The following ADGRE3 variants were observed in gnomAD, a reference collection of about 807,000 sequenced individuals.
The protein encoded by ADGRE3 is EGF-like module receptor 3.
In ADGRE3, 88 loss-of-function variants were observed where a neutral mutation model predicts 80.1. That is an observed-to-expected ratio of 1.10 (90% confidence interval 0.93 to 1.31). ADGRE3 has a LOEUF of 1.31. Among genes scored for constraint, ADGRE3 ranks in the 40% most tolerant of loss-of-function variants. ADGRE3 has a pLI of 0.00. For missense variants in ADGRE3, 715 were observed against 776.5 expected (o/e 0.92, Z 0.94); for synonymous variants, 281 against 294.8 (o/e 0.95, Z 0.48).
At chr19:14,616,327 A>G (rs1311989566), downstream of ADGRE3, among the ~76,000 whole-genome samples, 1 of 151,924 alleles carries the variant, frequency 6.6e-6, no homozygotes, top group Non-Finnish European at 1.5e-5. Context: ...AAAATAATCT[A>G]CCTGCATGCA....
In ADGRE3 at chr19:14,630,065, A is replaced by T. The variant is rs909209132; in HGVS notation, c.1786T>A (p.Leu596Met). ...TGCTGGCTGAGGAGGCAGTAGACCA[A>T]GAAGATGAAGAAGCCTTGGAGGCTG... ...INSLQGFFIF[L>M]VYCLLSQQVQ... Residue 596 changes from leucine (L) to methionine (M), a missense_variant, in exon 14 of 16, where the codon TTG becomes ATG. Coordinates refer to ENST00000253673, the MANE Select transcript of ADGRE3 (RefSeq NM_032571.5). 2 of 1,610,426 alleles carry T rather than the reference A, an allele frequency of 1.2e-6. No homozygotes were observed. Among genetic ancestry groups the T allele is most frequent in the Non-Finnish European group, 1.7e-6 (2 of 1,177,880 alleles).
At chr19:14,611,614 A>T in the ADGRE3 span, among the ~76,000 whole-genome samples, 4 of 152,098 alleles carry the variant, frequency 2.6e-5, no homozygotes, top group African/African-American at 9.7e-5. Context: ...CAGGCAGGCC[A>T]TAACCTGGTC....
downstream of ADGRE3, among the ~76,000 whole-genome samples, chr19:14,615,075 C>G (rs772655005): frequency 2.6e-5 from 4 of 151,962 alleles, no homozygotes; most frequent in Non-Finnish European, 5.9e-5. Context: ...TATACCTGGG[C>G]AAACTGAGGC....
At chr19:14,637,690 T>A (rs1220043530) in intron 11 of ADGRE3, among the ~76,000 whole-genome samples, 1 of 151,958 alleles carries the variant, frequency 6.6e-6, no homozygotes, top group Non-Finnish European at 1.5e-5. Context: ...TGTGAGCCAC[T>A]GTGCTCAGCT....
chr19:14,610,057 C>T, the ADGRE3 span: 8 of 1,611,286 alleles, frequency 5.0e-6, no homozygotes, highest in Non-Finnish European at 6.8e-6. Flanking sequence ...CTTTTTCCTC[C>T]ATCCAGCTTC....
chr19:14,670,995 A>T (rs991815852), intron 1 of ADGRE3, among the ~76,000 whole-genome samples: 1 of 152,172 alleles, frequency 6.6e-6, no homozygotes, highest in Non-Finnish European at 1.5e-5. Flanking sequence ...CACTCACCAG[A>T]TCTGACTGGA....
intron 2 of ADGRE3, among the ~76,000 whole-genome samples, chr19:14,666,633 T>C (rs1408700882): frequency 6.6e-6 from 1 of 152,178 alleles, no homozygotes; most frequent in Non-Finnish European, 1.5e-5. Flanking sequence ...TGCCTCGGCC[T>C]CCCCGAGTGC....
chr19:14,668,763 T>G, intron 2 of ADGRE3, 39 bp downstream of exon 2: 1 of 1,595,896 alleles, frequency 6.3e-7, no homozygotes, highest in Non-Finnish European at 8.6e-7. Flanking sequence ...GGTCCAGCCC[T>G]TGGTCCACAA....
At chr19:14,663,121 G>C (rs1312209827) in intron 3 of ADGRE3, among the ~76,000 whole-genome samples, 1 of 151,992 alleles carries the variant, frequency 6.6e-6, no homozygotes, top group Non-Finnish European at 1.5e-5. Context: ...TCATGCCTCA[G>C]CCTCTTGAGT....
At chr19:14,617,341 C>CCTTCCTTT (rs1555752262), downstream of ADGRE3, among the ~76,000 whole-genome samples, 199 of 57,244 alleles carry the variant, frequency 3.5e-3, 4 homozygotes, top group African/African-American at 0.011. Context: ...TCCCTCCCTC[C>CCTTCCTTT]CTTTCTTTCT....
In ADGRE3 at chr19:14,665,949, T is replaced by TGC. The variant is rs1568500782; in HGVS notation, c.77-2410_77-2409insGC. Among the ~76,000 whole-genome samples the TGC allele has an allele frequency of 2.1e-3, 220 of 104,226 alleles. 28 individuals are homozygous for TGC. Among genetic ancestry groups the TGC allele is most frequent in the African/African-American group, 6.0e-3 (177 of 29,710 alleles). The allele number at this position is 104,226 out of a possible 152,430, so 68.4% of individuals were successfully genotyped here. On this transcript the variant is annotated intron_variant, in intron 2 of 15. Coordinates refer to ENST00000253673, the MANE Select transcript of ADGRE3 (RefSeq NM_032571.5). Reference sequence around the variant, plus strand: ...ACACACATATGTGTATATATATATATATATATATATATATATATATATATA... The same window carrying TGC: ...ACACACATATGTGTATATATATATATGCATATATATATATATATATATATATA...
intron 13 of ADGRE3, among the ~76,000 whole-genome samples, chr19:14,631,550 CATAT>C (rs1474106889): frequency 6.6e-6 from 1 of 150,636 alleles, no homozygotes; most frequent in Non-Finnish European, 1.5e-5. Flanking sequence ...ACTATCACAA[CATAT>C]AATCACAATA....
chr19:14,656,372 A>C (rs949443605), intron 5 of ADGRE3, among the ~76,000 whole-genome samples: 4 of 62,128 alleles, frequency 6.4e-5, no homozygotes, highest in African/African-American at 2.7e-4. Flanking sequence ...AAAAAAAAGA[A>C]AAGAAAAAAA....
chr19:14,628,977 C>A (rs1274507377), intron 14 of ADGRE3, among the ~76,000 whole-genome samples: 1 of 151,954 alleles, frequency 6.6e-6, no homozygotes, highest in Non-Finnish European at 1.5e-5. Flanking sequence ...GGCTGGAGTG[C>A]AGTGGTGCGA....
chr19:14,619,541 T>C, intron 15 of ADGRE3, 70 bp from the exon 16 acceptor site: 1 of 1,207,824 alleles, frequency 8.3e-7, no homozygotes, highest in African/African-American at 1.5e-5. Context: ...ATCAACAACA[T>C]GGAAAAACAG....
intron 1 of ADGRE3, among the ~76,000 whole-genome samples, chr19:14,670,940 T>A (rs1030151385): frequency 7.9e-5 from 12 of 152,158 alleles, no homozygotes; most frequent in African/African-American, 2.9e-4. Context: ...TAGGTTGGCA[T>A]GTTTATTGTG....
rs1971953745 is a variant in ADGRE3 at position 14,661,896 on chromosome 19, A to G, written c.355+67T>C. 1.1e-5 allele frequency: 17 copies of G among 1,556,650 alleles called. No homozygotes were observed. In the South Asian group the frequency reaches 1.7e-4, roughly 16 times the overall value. On this transcript the variant is annotated intron_variant, in intron 4 of 15. Coordinates refer to ENST00000253673, the MANE Select transcript of ADGRE3 (RefSeq NM_032571.5). ...CGAGACTCTGTCTCAAAACAAAACA[A>G]AACAAAACAAACAAACAAAAAAACA...
At chr19:14,647,470 G>A (rs1405794612) in intron 7 of ADGRE3, 105 bp from the exon 8 acceptor site, 2 of 901,814 alleles carry the variant, frequency 2.2e-6, no homozygotes, top group South Asian at 1.8e-5. Context: ...AGGCTGGAGT[G>A]CAGTGGCGTG....
chr19:14,667,362 T>G (rs1972131206), intron 2 of ADGRE3, among the ~76,000 whole-genome samples: 1 of 151,678 alleles, frequency 6.6e-6, no homozygotes, highest in African/African-American at 2.4e-5. Flanking sequence ...TTTTTTTAAA[T>G]TTGGTAACAT....
Sources: gnomAD v4.1 joint callset for allele counts (sites outside exome capture counted in the v4.1 genomes callset) on GRCh38, gnomAD v4.1.1 for gene constraint, MANE v1.5 for transcripts, NCBI Gene and HGNC (gene_info 2026-07-23, HGNC 2026-07-21) for gene names.